FREM3: variants seen among roughly 807,000 people sequenced by gnomAD.
FREM3 encodes FRAS1-related extracellular matrix protein 3.
In FREM3, 105 loss-of-function variants were observed where a neutral mutation model predicts 129.1. The observed-to-expected ratio is 0.81, with a 90% CI of 0.69 to 0.96. The LOEUF (loss-of-function observed/expected upper bound fraction) is 0.96, where lower values mean the gene tolerates loss of function less well. Among genes scored for constraint, FREM3 ranks in the 40% least tolerant of loss-of-function variants. The probability of loss-of-function intolerance (pLI) is 0.00; values close to 1 mark genes in which losing one functional copy is unlikely to be tolerated. For missense variants in FREM3, 2,593 were observed against 2,666.3 expected (o/e 0.97, Z 0.61); for synonymous variants, 1,014 against 1,044.9 (o/e 0.97, Z 0.57).
chr4:143,632,962 C>T (rs551579594), intron 2 of FREM3, among the ~76,000 whole-genome samples: 1 of 152,300 alleles, frequency 6.6e-6, no homozygotes, highest in East Asian at 1.9e-4. Context: ...TATCATTTTG[C>T]AGCCTCTCTT....
Position 143,621,026 on chromosome 4 carries a change from G to C in FREM3, c.5779+11C>G, listed in dbSNP as rs759488012. The C allele has an allele frequency of 3.9e-6, 6 of 1,536,942 alleles. No individual in the cohort carries two copies. The African/African-American group carries it at 4.1e-5, about 11-fold the overall frequency. ...TTATTCCTATGAACAGGACCCCACA[G>C]AGCCTCATACCTTGACGTGTGGAGC... On this transcript the variant is annotated intron_variant, in intron 5 of 7. Transcript: ENST00000329798.
chr4:143,588,123 C>A (rs900833330), intron 6 of FREM3, among the ~76,000 whole-genome samples: 1 of 152,184 alleles, frequency 6.6e-6, no homozygotes, highest in African/African-American at 2.4e-5. Flanking sequence ...GTGTTCTCCA[C>A]ATTGCAGGTG....
At chr4:143,622,677 A>C (rs1340823375) in intron 4 of FREM3, among the ~76,000 whole-genome samples, 1 of 152,162 alleles carries the variant, frequency 6.6e-6, no homozygotes, top group Non-Finnish European at 1.5e-5. Context: ...TCATGGAAGA[A>C]GCTAAAAGTA....
chr4:143,589,313 C>T (rs1339368824), intron 6 of FREM3, among the ~76,000 whole-genome samples: 1 of 152,162 alleles, frequency 6.6e-6, no homozygotes, highest in African/African-American at 2.4e-5. Flanking sequence ...GAAGTCCTTG[C>T]CCATGCCTAT....
chr4:143,688,320 A>C (rs1446906051), intron 2 of FREM3, among the ~76,000 whole-genome samples: 1 of 152,228 alleles, frequency 6.6e-6, no homozygotes, highest in Non-Finnish European at 1.5e-5. Context: ...CTAACCAAGG[A>C]GTCAAAAGAC....
At chr4:143,653,656 T>C (rs1232731691) in intron 2 of FREM3, among the ~76,000 whole-genome samples, 2 of 152,232 alleles carry the variant, frequency 1.3e-5, no homozygotes, top group Non-Finnish European at 2.9e-5. Context: ...CGAGAGGTTA[T>C]ACAAGAAGTG....
chr4:143,636,085 A>T (rs1739228550), intron 2 of FREM3, among the ~76,000 whole-genome samples: 1 of 152,106 alleles, frequency 6.6e-6, no homozygotes, highest in Admixed American at 6.6e-5. Context: ...GTGCAGGACA[A>T]ATATCATCTT....
chr4:143,664,811 C>G (rs953881912), intron 2 of FREM3, among the ~76,000 whole-genome samples: 9 of 152,110 alleles, frequency 5.9e-5, no homozygotes, highest in Admixed American at 2.0e-4. Flanking sequence ...CCTCCCCCAA[C>G]CTCGCTGCCG....
chr4:143,695,889 A>G lies in FREM3; in HGVS notation c.4787T>C (p.Phe1596Ser). 4 of 1,537,602 alleles carry G rather than the reference A, an allele frequency of 2.6e-6. No individual in the cohort carries two copies. Among genetic ancestry groups the G allele is most frequent in the Non-Finnish European group, 2.6e-6 (3 of 1,146,986 alleles). Residue 1596 changes from phenylalanine (F) to serine (S), a missense_variant, in exon 1 of 8, where the codon TTC becomes TCC. By Grantham distance (155) the Phe-to-Ser change is radical. Transcript: ENST00000329798. Reference sequence around the variant, plus strand: ...GTTCTTGTTCAGGTCTTGCTTGGTGAAAGTGGTCACGGGACGGCTACCATT... The same window carrying G: ...GTTCTTGTTCAGGTCTTGCTTGGTGGAAGTGGTCACGGGACGGCTACCATT... ...LYNGSRPVTTFTKQDLNKNLI... is the reference protein window; with the variant it reads ...LYNGSRPVTTSTKQDLNKNLI...
intron 2 of FREM3, among the ~76,000 whole-genome samples, chr4:143,685,895 G>C (rs1436913467): frequency 6.6e-6 from 1 of 152,168 alleles, no homozygotes; most frequent in Non-Finnish European, 1.5e-5. Context: ...GATGGCATTA[G>C]GAGAAATACC....
intron 2 of FREM3, among the ~76,000 whole-genome samples, chr4:143,681,388 C>T (rs1740246986): frequency 1.3e-5 from 2 of 151,962 alleles, no homozygotes; most frequent in South Asian, 4.1e-4. Flanking sequence ...TGAAAATTTT[C>T]AATATAAATC....
At chr4:143,620,872 C>A (rs1010532345) in intron 5 of FREM3, among the ~76,000 whole-genome samples, 165 bp downstream of exon 5, 1 of 152,168 alleles carries the variant, frequency 6.6e-6, no homozygotes, top group Non-Finnish European at 1.5e-5. Flanking sequence ...AGGGCACCTG[C>A]ACAGAGTCAG....
chr4:143,699,145 T>G lies in FREM3; in HGVS notation c.1531A>C (p.Asn511His). The part of the protein sequence containing the change: ...GRVVYQHDGS[N>H]TYSDNIIFRM... ...AAGATGATATTGTCACTGTAGGTGTTGCTGCCATCATGCTGATACACCACT... is the reference window on the plus strand; with the variant it reads ...AAGATGATATTGTCACTGTAGGTGTGGCTGCCATCATGCTGATACACCACT... The change falls in exon 1 of 8, where the codon AAC (asparagine) becomes CAC (histidine). Residue 511 changes from asparagine (N) to histidine (H), a missense_variant. Asn to His is a moderately conservative substitution (Grantham distance 68). Around this residue, in one of 2 missense-constraint regions of FREM3, gnomAD observed 2,276 missense variants for 2,267.2 expected, o/e 1.00. Coordinates refer to ENST00000329798, the MANE Select transcript of FREM3 (RefSeq NM_001168235.2). The surrounding 1 kb of genome is among the most constrained non-coding windows in gnomAD (Gnocchi z 4.2). The G allele has an allele frequency of 2.0e-6, 3 of 1,537,360 alleles. No homozygotes were observed. The highest frequency in any genetic ancestry group is 1.7e-6 in the Non-Finnish European group (2 of 1,146,940).
At chr4:143,618,729 T>C (rs1402931336) in intron 5 of FREM3, among the ~76,000 whole-genome samples, 1 of 152,040 alleles carries the variant, frequency 6.6e-6, no homozygotes, top group Admixed American at 6.6e-5. Context: ...ACTTCGTCTC[T>C]ACAAAAAATT....
chr4:143,652,309 C>G (rs1385080056), intron 2 of FREM3, among the ~76,000 whole-genome samples: 2 of 95,226 alleles, frequency 2.1e-5, no homozygotes, highest in African/African-American at 6.4e-5. Flanking sequence ...ACTACAGGCG[C>G]CCGCCACCGC....
intron 5 of FREM3, among the ~76,000 whole-genome samples, chr4:143,620,710 C>T (rs1738930401): frequency 6.6e-6 from 1 of 152,198 alleles, no homozygotes; most frequent in African/African-American, 2.4e-5. Flanking sequence ...TTTTGACTAG[C>T]ATATATAAAC....
intron 6 of FREM3, among the ~76,000 whole-genome samples, chr4:143,603,872 T>C (rs1236180996): frequency 6.6e-6 from 1 of 152,184 alleles, no homozygotes; most frequent in Admixed American, 6.5e-5. Context: ...CAATGTTATT[T>C]CTGTAAACCA....
At chr4:143,589,392 T>G (rs1738310789) in intron 6 of FREM3, among the ~76,000 whole-genome samples, 1 of 152,206 alleles carries the variant, frequency 6.6e-6, no homozygotes, top group Admixed American at 6.5e-5. Context: ...TGTAAGTCTT[T>G]AATCCATCTT....
chr4:143,696,595 G>C lies in FREM3; in HGVS notation c.4081C>G (p.Pro1361Ala). 1 of 1,537,592 alleles carries C rather than the reference G, an allele frequency of 6.5e-7. No individual in the cohort carries two copies. Among genetic ancestry groups the C allele is most frequent in the Non-Finnish European group, 8.7e-7 (1 of 1,146,986 alleles). Residue 1361 changes from proline to alanine, a missense_variant, in exon 1 of 8, where the codon CCC becomes GCC. Pro to Ala is a conservative substitution (Grantham distance 27). This residue lies in a region of FREM3 where 2,276 missense variants were observed against 2,267.2 expected (regional missense o/e 1.00). Coordinates refer to ENST00000329798, the MANE Select transcript of FREM3 (RefSeq NM_001168235.2). ...AGATTGTTCCTCACTTCTCCTCTGG[G>C]TTTTCTCAGCCTCTGTAGAAGCCCT... ...QQGLLQRLRK[P>A]RGEVRNNLTL... is the part of the protein sequence containing the mutation.
Sources: gnomAD v4.1 joint callset for allele counts (sites outside exome capture counted in the v4.1 genomes callset) on GRCh38, gnomAD v4.1.1 for gene constraint, gnomAD v4.1.1 regional missense constraint, Gnocchi (gnomAD v3.1) non-coding constraint, MANE v1.5 for transcripts, NCBI Gene and HGNC (gene_info 2026-07-23, HGNC 2026-07-21) for gene names.